Variants in CDH13 observed in about 807,000 individuals in gnomAD.
CDH13 encodes the protein cadherin 13, also known as cadherin-13.
In CDH13, 24 loss-of-function variants were observed where a neutral mutation model predicts 63.8. That is an observed-to-expected ratio of 0.38 (90% CI 0.27 to 0.53). The LOEUF is 0.53. CDH13 is among the 20% of genes least tolerant of loss of function. The pLI, the probability that CDH13 is intolerant of heterozygous loss-of-function variation, is 0.85. For missense variants in CDH13, 1,049 were observed against 903.1 expected, an observed-to-expected ratio of 1.16 and a Z score of -2.07; for synonymous variants, 503 against 355.3, an observed-to-expected ratio of 1.42 and a Z score of -4.67.
At chr16:83,346,697 A>G (rs2090847517) in intron 6 of CDH13, among the ~76,000 whole-genome samples, 1 of 152,216 alleles carries the variant, frequency 6.6e-6, no homozygotes, top group Non-Finnish European at 1.5e-5. Context: ...ATATTTTTTG[A>G]TACATGTATA....
chr16:83,728,396 A>G (rs413469), intron 10 of CDH13, among the ~76,000 whole-genome samples: 102,415 of 151,282 alleles, frequency 0.68, 36,293 homozygotes, highest in Middle Eastern at 0.8. Context: ...TCCCTATGAA[A>G]CGAGGAGAAA....
chr16:83,229,684 C>A (rs1364718755), intron 5 of CDH13, among the ~76,000 whole-genome samples: 2 of 152,084 alleles, frequency 1.3e-5, no homozygotes, highest in East Asian at 1.9e-4. Context: ...ATTTTTCTTT[C>A]TTCCAAAGGT....
At chr16:83,181,216 G>A (rs2038340056) in intron 4 of CDH13, 1 of 422,516 alleles carries the variant, frequency 2.4e-6, no homozygotes, top group Non-Finnish European at 4.2e-6. Flanking sequence ...TTAGTATTAG[G>A]GGACTTAATT....
intron 6 of CDH13, among the ~76,000 whole-genome samples, chr16:83,407,837 T>A (rs1376711906): frequency 6.6e-6 from 1 of 152,178 alleles, no homozygotes; most frequent in Non-Finnish European, 1.5e-5. Context: ...CTTTTTGTAA[T>A]TGACTTACAA....
chr16:83,693,108 A>G (rs1905065414), intron 10 of CDH13, among the ~76,000 whole-genome samples: 1 of 152,156 alleles, frequency 6.6e-6, no homozygotes, highest in Non-Finnish European at 1.5e-5. Context: ...AGAAAAGTAC[A>G]TAGCCAAGTG....
intron 3 of CDH13, among the ~76,000 whole-genome samples, chr16:83,052,212 A>G (rs1471479655): frequency 1.3e-5 from 2 of 152,328 alleles, no homozygotes; most frequent in Non-Finnish European, 1.5e-5. Context: ...ATCCTTTCAG[A>G]GCACCTAATG....
At chr16:83,089,582 G>C (rs941302153) in intron 3 of CDH13, among the ~76,000 whole-genome samples, 5 of 152,208 alleles carry the variant, frequency 3.3e-5, no homozygotes. Context: ...CTTGGTGCCT[G>C]CTCTGGAGGT....
At chr16:83,407,446 A>T (rs2092064538) in intron 6 of CDH13, among the ~76,000 whole-genome samples, 1 of 152,234 alleles carries the variant, frequency 6.6e-6, no homozygotes, top group Non-Finnish European at 1.5e-5. Context: ...CCAGGCTGCT[A>T]AAGCAGATCT....
intron 1 of CDH13, among the ~76,000 whole-genome samples, chr16:82,757,711 T>G (rs978806751): frequency 2.6e-5 from 4 of 151,358 alleles, no homozygotes; most frequent in African/African-American, 9.7e-5. Context: ...TGGTGCGATC[T>G]TGGTTCACTG....
At chr16:82,681,838 C>G (rs920969406) in intron 1 of CDH13, among the ~76,000 whole-genome samples, 1 of 152,252 alleles carries the variant, frequency 6.6e-6, no homozygotes, top group African/African-American at 2.4e-5. Flanking sequence ...ACACCAACTT[C>G]CCTGCACTCC....
intron 7 of CDH13, among the ~76,000 whole-genome samples, chr16:83,602,107 C>CA (rs869202510): frequency 0.015 from 117 of 7,956 alleles, 19 homozygotes; most frequent in Non-Finnish European, 0.018. Flanking sequence ...AGAACAACAA[C>CA]AAAAAAAAAA....
intron 11 of CDH13, among the ~76,000 whole-genome samples, chr16:83,749,388 C>G (rs16961669): frequency 6.6e-6 from 1 of 151,976 alleles, no homozygotes; most frequent in Non-Finnish European, 1.5e-5. Flanking sequence ...CCTTGAAAGA[C>G]GGGTAGGATT....
intron 6 of CDH13, among the ~76,000 whole-genome samples, chr16:83,466,603 G>T (rs1428253396): frequency 6.6e-6 from 1 of 152,166 alleles, no homozygotes; most frequent in African/African-American, 2.4e-5. Flanking sequence ...AAAACTCAGG[G>T]CCTCAATGTG....
At chr16:82,686,446 G>A (rs753562562) in intron 1 of CDH13, among the ~76,000 whole-genome samples, 3 of 152,118 alleles carry the variant, frequency 2.0e-5, no homozygotes, top group African/African-American at 7.2e-5. Context: ...TGGTGTCAAC[G>A]GAGATTGTAT....
chr16:83,319,579 A>G (rs1277077843), intron 5 of CDH13, among the ~76,000 whole-genome samples: 1 of 152,220 alleles, frequency 6.6e-6, no homozygotes, highest in African/African-American at 2.4e-5. Flanking sequence ...AAATATTGAA[A>G]TCCTCAATAT....
At chr16:83,507,237 A>T (rs1180740408) in intron 7 of CDH13, among the ~76,000 whole-genome samples, 1 of 152,206 alleles carries the variant, frequency 6.6e-6, no homozygotes, top group Non-Finnish European at 1.5e-5. Flanking sequence ...AAGGAAAAGC[A>T]ATATTTTTAT....
chr16:82,695,079 C>G (rs950258563), intron 1 of CDH13, among the ~76,000 whole-genome samples: 3 of 152,060 alleles, frequency 2.0e-5, no homozygotes, highest in Non-Finnish European at 4.4e-5. Flanking sequence ...GTCCTGTCGG[C>G]TGGAGGAAGG....
At chr16:82,912,680 A>G (rs1300629500) in intron 2 of CDH13, among the ~76,000 whole-genome samples, 1 of 152,228 alleles carries the variant, frequency 6.6e-6, no homozygotes, top group Admixed American at 6.5e-5. Context: ...GCGGTGGCTC[A>G]CGCCTGTAAT....
rs937512837 is a variant in CDH13, at chr16:83,269,937, A to G, written c.636+52440A>G. Among the ~76,000 whole-genome samples the G allele has an allele frequency of 9.8e-5, 15 of 152,344 alleles. 1 individual carries two copies. Among genetic ancestry groups the G allele is most frequent in the Admixed American group, 7.8e-4 (12 of 15,302 alleles). The stretch of plus-strand genomic sequence containing the variant: ...AAGTTAAACAGAATTGATTGCGGCT[A>G]GATTTACTGAGTCTTTTGAAATGGT... On this transcript the variant is annotated intron_variant, in intron 5 of 13. Coordinates refer to ENST00000567109, the MANE Select transcript of CDH13 (RefSeq NM_001257.5).
Sources: gnomAD v4.1 joint callset for allele counts (sites outside exome capture counted in the v4.1 genomes callset) on GRCh38, gnomAD v4.1.1 for gene constraint, MANE v1.5 for transcripts, NCBI Gene and HGNC (gene_info 2026-07-23, HGNC 2026-07-21) for gene names.